Variants in PDE11A observed in about 807,000 individuals in gnomAD.
PDE11A encodes dual 3',5'-cyclic-AMP and -GMP phosphodiesterase 11A.
PDE11A carries 100 observed loss-of-function variants against 100.5 expected under a neutral mutation model. The observed-to-expected ratio is 1.00, with a 90% CI of 0.85 to 1.18. The LOEUF (loss-of-function observed/expected upper bound fraction) is 1.18. Among genes scored for constraint, PDE11A ranks in the 50% most tolerant of loss-of-function variants. PDE11A has a pLI of 0.00. For synonymous variants in PDE11A, 381 were observed against 420.8 expected, an observed-to-expected ratio of 0.91 and a Z score of 1.16; for missense variants, 1,141 against 1,152.6, an observed-to-expected ratio of 0.99 and a Z score of 0.15.
At chr2:177,768,264 T>C (rs1182258391) in intron 10 of PDE11A, among the ~76,000 whole-genome samples, 3 of 151,944 alleles carry the variant, frequency 2.0e-5, no homozygotes, top group Non-Finnish European at 4.4e-5. Flanking sequence ...TCATCATTCA[T>C]GCGCTTGTGT....
intron 18 of PDE11A, among the ~76,000 whole-genome samples, chr2:177,668,433 A>T (rs1299258793): frequency 6.6e-6 from 1 of 152,200 alleles, no homozygotes; most frequent in Admixed American, 6.5e-5. Context: ...ATTTGATGAC[A>T]CCACCAAAAA....
intron 5 of PDE11A, among the ~76,000 whole-genome samples, chr2:177,841,347 T>C (rs1055913280): frequency 9.9e-5 from 15 of 152,202 alleles, no homozygotes; most frequent in African/African-American, 2.7e-4. Flanking sequence ...TGAAATTATG[T>C]GGATGGATGC....
intron 2 of PDE11A, among the ~76,000 whole-genome samples, chr2:177,981,589 C>T (rs1324978097): frequency 1.3e-5 from 2 of 150,632 alleles, no homozygotes; most frequent in African/African-American, 4.8e-5. Context: ...AGGGTCTACC[C>T]TAATGAACTC....
chr2:177,747,821 G>A (rs1032172803), intron 10 of PDE11A, among the ~76,000 whole-genome samples: 2 of 152,082 alleles, frequency 1.3e-5, no homozygotes, highest in East Asian at 3.9e-4. Flanking sequence ...GATTGGCTGT[G>A]GGCCTCTGAA....
intron 2 of PDE11A, among the ~76,000 whole-genome samples, chr2:177,911,943 C>T (rs780996292): frequency 1.1e-4 from 17 of 151,720 alleles, no homozygotes; most frequent in Non-Finnish European, 1.9e-4. Flanking sequence ...TTGAAATTGT[C>T]CACTATGAGA....
chr2:177,852,638 C>T lies in PDE11A; in HGVS notation c.1368-12255G>A, dbSNP rs16865844. On this transcript the variant is annotated intron_variant, in intron 5 of 19. Coordinates refer to ENST00000286063, the MANE Select transcript of PDE11A (RefSeq NM_016953.4). ...AGCTAGGACCTCAGCAGGAAAGTCT[C>T]GAACACCCAGGACTTGGGACATTAA... 7.3e-3 allele frequency among the ~76,000 whole-genome samples: 1,104 copies of T among 152,196 alleles called. 13 individuals carry two copies. The highest frequency in any genetic ancestry group is 0.025 in the African/African-American group (1,026 of 41,524).
chr2:177,852,254 A>G (rs1408505567), intron 5 of PDE11A, among the ~76,000 whole-genome samples: 1 of 152,166 alleles, frequency 6.6e-6, no homozygotes, highest in Non-Finnish European at 1.5e-5. Flanking sequence ...TCTCATTACC[A>G]AGGAATGATT....
chr2:177,896,402 T>G (rs2084612782), intron 4 of PDE11A, among the ~76,000 whole-genome samples: 1 of 152,190 alleles, frequency 6.6e-6, no homozygotes, highest in African/African-American at 2.4e-5. Context: ...TTTAAGTTGT[T>G]TTTATATCTG....
chr2:177,790,270 G>C (rs1394097150), intron 9 of PDE11A, among the ~76,000 whole-genome samples: 11 of 150,578 alleles, frequency 7.3e-5, no homozygotes, highest in Non-Finnish European at 1.3e-4. Flanking sequence ...ACAAACCTGA[G>C]AAAAACAAGC....
At chr2:177,682,494 T>C (rs1267913492) in intron 15 of PDE11A, among the ~76,000 whole-genome samples, 2 of 152,184 alleles carry the variant, frequency 1.3e-5, no homozygotes, top group Non-Finnish European at 2.9e-5. Context: ...GGAAATCCAT[T>C]TGGAGATGCG....
At chr2:177,763,234 A>T (rs2082193851) in intron 10 of PDE11A, among the ~76,000 whole-genome samples, 1 of 152,066 alleles carries the variant, frequency 6.6e-6, no homozygotes, top group African/African-American at 2.4e-5. Flanking sequence ...TTCTCTGACG[A>T]TAAAAAAAAA....
chr2:177,643,410 T>C (rs1301767631), intron 19 of PDE11A, among the ~76,000 whole-genome samples: 3 of 152,212 alleles, frequency 2.0e-5, no homozygotes, highest in Admixed American at 6.5e-5. Context: ...GCAAAGAGAC[T>C]GGCAGCATTT....
intron 1 of PDE11A, among the ~76,000 whole-genome samples, chr2:178,021,914 G>A (rs1049169017): frequency 1.3e-5 from 2 of 152,214 alleles, no homozygotes; most frequent in East Asian, 1.9e-4. Context: ...GATGGCTCTT[G>A]TGGGAAGTGT....
intron 1 of PDE11A, among the ~76,000 whole-genome samples, chr2:178,023,022 A>G (rs2086433465): frequency 1.3e-5 from 2 of 152,192 alleles, no homozygotes; most frequent in Non-Finnish European, 2.9e-5. Flanking sequence ...ATGATTTTTA[A>G]CCTTTAAAAA....
chr2:177,997,261 A>G, intron 2 of PDE11A: 3 of 1,215,070 alleles, frequency 2.5e-6, no homozygotes, highest in Admixed American at 1.7e-5. Context: ...ACTTTCCCTG[A>G]AGGCTCCTCT....
At chr2:177,951,778 G>A (rs533149155) in intron 2 of PDE11A, among the ~76,000 whole-genome samples, 1 of 152,174 alleles carries the variant, frequency 6.6e-6, no homozygotes, top group Admixed American at 6.5e-5. Flanking sequence ...GTAAACCCCA[G>A]AGGAAGATAT....
chr2:177,825,639 A>C (rs1488551939), intron 6 of PDE11A, among the ~76,000 whole-genome samples: 1 of 152,192 alleles, frequency 6.6e-6, no homozygotes, highest in Non-Finnish European at 1.5e-5. Flanking sequence ...CTAACGAATA[A>C]ATTCCAAACA....
At chr2:177,630,284 A>G (rs952893695) in intron 19 of PDE11A, among the ~76,000 whole-genome samples, 1 of 152,096 alleles carries the variant, frequency 6.6e-6, no homozygotes, top group Non-Finnish European at 1.5e-5. Flanking sequence ...TTCTAAGTAT[A>G]TTCTTTTGTG....
rs2079878678 is a variant in PDE11A at position 177,629,200 on chromosome 2, GTGC to G, written c.*204_*206del. On this transcript the variant is annotated 3_prime_UTR_variant, in exon 20 of 20. Transcript: ENST00000286063. ...TAGGGAAAAGTGAGGGTCCTGGGGT[GTGC>G]TCCCTGCCCCACCTCTTTCTTTGTC... is the stretch of plus-strand genomic sequence containing the variant. 1 of 618,300 alleles carries G rather than the reference GTGC, an allele frequency of 1.6e-6. No homozygotes were observed. Among genetic ancestry groups the G allele is most frequent in the African/African-American group, 1.8e-5 (1 of 54,978 alleles). The allele number at this position is 618,300 out of a possible 1,614,324, so 38.3% of individuals were successfully genotyped here. A position where few individuals can be genotyped will look rare whatever the true frequency, so the allele number is the denominator to read the frequency against.
Sources: gnomAD v4.1 joint callset for allele counts (sites outside exome capture counted in the v4.1 genomes callset) on GRCh38, gnomAD v4.1.1 for gene constraint, MANE v1.5 for transcripts, NCBI Gene and HGNC (gene_info 2026-07-23, HGNC 2026-07-21) for gene names.